The following RIT2 variants were observed in gnomAD, a reference collection of about 807,000 sequenced individuals.
The protein encoded by RIT2 is Ras like without CAAX 2.
A neutral mutation model predicts 23.7 loss-of-function variants in RIT2; 24 were observed. The ratio of observed to expected loss-of-function variants is 1.01; its 90% CI spans 0.73 to 1.43. RIT2 has a LOEUF of 1.43. RIT2 is among the 40% of genes most tolerant of loss of function. The probability of loss-of-function intolerance (pLI) is 0.00; values close to 1 mark genes in which losing one functional copy is unlikely to be tolerated. For missense variants in RIT2, 236 were observed against 266.9 expected (o/e 0.88, Z 0.81); for synonymous variants, 107 against 91.1 (o/e 1.17, Z -0.99).
intron 4 of RIT2, among the ~76,000 whole-genome samples, chr18:42,749,755 C>T (rs1460717899): frequency 1.3e-5 from 2 of 151,790 alleles, no homozygotes; most frequent in African/African-American, 4.8e-5. Flanking sequence ...CAAAAGCTTA[C>T]ACACAAAAAT....
intron 4 of RIT2, among the ~76,000 whole-genome samples, chr18:42,824,221 AG>A (rs1463221960): frequency 6.6e-6 from 1 of 152,146 alleles, no homozygotes; most frequent in Non-Finnish European, 1.5e-5. Context: ...ATACACTGAA[AG>A]AAGTGAATGT....
At chr18:43,052,813 G>C (rs749244949) in intron 1 of RIT2, among the ~76,000 whole-genome samples, 2 of 151,934 alleles carry the variant, frequency 1.3e-5, no homozygotes, top group African/African-American at 4.8e-5. Flanking sequence ...ATATACATAG[G>C]TCTGTGACTT....
intron 2 of RIT2, among the ~76,000 whole-genome samples, chr18:42,974,699 T>C (rs1254246255): frequency 6.6e-6 from 1 of 152,004 alleles, no homozygotes; most frequent in Admixed American, 6.6e-5. Context: ...AAACCCTAAA[T>C]GAATTCAGCA....
chr18:42,797,220 T>C (rs2143956366), intron 4 of RIT2, among the ~76,000 whole-genome samples: 1 of 152,212 alleles, frequency 6.6e-6, no homozygotes, highest in Non-Finnish European at 1.5e-5. Flanking sequence ...GCATATAATC[T>C]AAAAAGAAAC....
chr18:43,093,949 G>C (rs1913484737), intron 1 of RIT2, among the ~76,000 whole-genome samples: 1 of 152,008 alleles, frequency 6.6e-6, no homozygotes, highest in South Asian at 2.1e-4. Context: ...GAAAATGAAA[G>C]CCAGGACTGG....
chr18:42,871,374 TTG>T (rs945702649), intron 4 of RIT2, among the ~76,000 whole-genome samples: 16 of 151,920 alleles, frequency 1.1e-4, no homozygotes, highest in Non-Finnish European at 1.3e-4. Context: ...AAGTGTGTGT[TTG>T]TGTGTGTGTG....
chr18:42,887,285 T>C (rs1008813483), intron 4 of RIT2, among the ~76,000 whole-genome samples: 3 of 152,080 alleles, frequency 2.0e-5, no homozygotes, highest in Non-Finnish European at 2.9e-5. Flanking sequence ...AGTAGTTTAT[T>C]TGAGAAAAAA....
At chr18:43,043,689 C>A (rs536240659) in intron 1 of RIT2, among the ~76,000 whole-genome samples, 216 of 152,192 alleles carry the variant, frequency 1.4e-3, no homozygotes, top group Non-Finnish European at 2.8e-3. Context: ...ACTCGGGAAG[C>A]TGAGGCAAGA....
intron 3 of RIT2, among the ~76,000 whole-genome samples, chr18:42,959,595 C>T (rs1217191641): frequency 1.3e-5 from 2 of 152,138 alleles, no homozygotes; most frequent in African/African-American, 2.4e-5. Context: ...GAATGGAGGG[C>T]CCAGGCTAGT....
chr18:42,996,902 T>C (rs1488244111), intron 2 of RIT2, among the ~76,000 whole-genome samples: 1 of 152,120 alleles, frequency 6.6e-6, no homozygotes, highest in Non-Finnish European at 1.5e-5. Flanking sequence ...ATGAAAACTG[T>C]TTTTCCTAGA....
intron 1 of RIT2, among the ~76,000 whole-genome samples, chr18:43,093,661 G>C (rs570614810): frequency 6.6e-6 from 1 of 151,936 alleles, no homozygotes; most frequent in African/African-American, 2.4e-5. Context: ...AATTTCCAAA[G>C]AGTCAGTTCT....
intron 3 of RIT2, among the ~76,000 whole-genome samples, chr18:42,969,931 A>G (rs1910323542): frequency 6.6e-6 from 1 of 152,070 alleles, no homozygotes; most frequent in African/African-American, 2.4e-5. Flanking sequence ...AATTTAGAGT[A>G]TCTTCACTTC....
At chr18:42,818,899 T>C (rs1185410152) in intron 4 of RIT2, among the ~76,000 whole-genome samples, 4 of 150,532 alleles carry the variant, frequency 2.7e-5, no homozygotes, top group Admixed American at 2.6e-4. Flanking sequence ...GTAGAAAGGA[T>C]ATAGTGGTCT....
intron 2 of RIT2, among the ~76,000 whole-genome samples, chr18:42,981,165 A>T (rs1910589283): frequency 6.6e-6 from 1 of 152,032 alleles, no homozygotes; most frequent in African/African-American, 2.4e-5. Flanking sequence ...AGAGAAGAAA[A>T]TAATCTTTCC....
At chr18:42,879,512 T>C (rs1907832919) in intron 4 of RIT2, among the ~76,000 whole-genome samples, 1 of 151,994 alleles carries the variant, frequency 6.6e-6, no homozygotes, top group African/African-American at 2.4e-5. Context: ...ATCACTTGCA[T>C]ATCACCTGAC....
chr18:42,821,842 C>A (rs1249768629), intron 4 of RIT2, among the ~76,000 whole-genome samples: 1 of 152,100 alleles, frequency 6.6e-6, no homozygotes, highest in Non-Finnish European at 1.5e-5. Context: ...CAGTTCCTAA[C>A]CTCACAGAGC....
chr18:43,030,599 C>T (rs1911831106), intron 2 of RIT2, among the ~76,000 whole-genome samples: 1 of 151,722 alleles, frequency 6.6e-6, no homozygotes. Flanking sequence ...TTTTTTGGTT[C>T]TGTGTAGAAA....
Sources: allele counts gnomAD v4.1 joint callset (sites outside exome capture counted in the v4.1 genomes callset), GRCh38; gene constraint gnomAD v4.1.1; transcripts MANE v1.5; gene names NCBI Gene and HGNC (gene_info 2026-07-23, HGNC 2026-07-21).